Variants in CORO7 observed in about 807,000 individuals in gnomAD.
CORO7 encodes the protein coronin-7.
A neutral mutation model predicts 126.6 loss-of-function variants in CORO7; 107 were observed. That is an observed-to-expected ratio of 0.85 (90% CI 0.72 to 0.99). The LOEUF (loss-of-function observed/expected upper bound fraction) is 0.99, where lower values mean the gene tolerates loss of function less well. Among genes scored for constraint, CORO7 ranks in the 50% least tolerant of loss-of-function variants. The pLI, the probability that CORO7 is intolerant of heterozygous loss-of-function variation, is 0.00. For missense variants in CORO7, 1,314 were observed against 1,255.8 expected (o/e 1.05, Z -0.70); for synonymous variants, 603 against 536.8 (o/e 1.12, Z -1.70).
intron 9 of CORO7, among the ~76,000 whole-genome samples, chr16:4,373,690 T>C (rs942192663): frequency 1.3e-5 from 2 of 152,074 alleles, no homozygotes; most frequent in African/African-American, 4.8e-5. Context: ...CTGGGACAAG[T>C]CCCAAGTACA....
intron 5 of CORO7, among the ~76,000 whole-genome samples, chr16:4,406,280 A>G (rs1005635786): frequency 1.3e-5 from 2 of 151,174 alleles, no homozygotes; most frequent in African/African-American, 2.4e-5. Flanking sequence ...GATCACAGGC[A>G]TGAGCCACCG....
intron 4 of CORO7, 114 bp downstream of exon 4, chr16:4,408,066 TG>T: frequency 6.9e-7 from 1 of 1,447,938 alleles, no homozygotes; most frequent in Non-Finnish European, 9.5e-7. Flanking sequence ...CCCTGGGGAG[TG>T]GGGTGGGGCT....
In CORO7 at chr16:4,362,023, G is replaced by C. The variant is rs777250850; in HGVS notation, c.1540C>G (p.Pro514Ala). 4 of 1,612,342 alleles carry C rather than the reference G, an allele frequency of 2.5e-6. 1 individual carries two copies. The highest frequency in any genetic ancestry group is 3.4e-6 in the Non-Finnish European group (4 of 1,179,714). ...FCANKLRVAV[P>A]LLSSGGQVAV... ...ACCTGTCCCCCGCTGCTGAGCAGCG[G>C]CACGGCCACACGCAGCTTGTTGGCA... Residue 514 changes from proline to alanine, a missense_variant, in exon 16 of 28, where the codon CCG (proline) becomes GCG (alanine). Pro to Ala is a conservative substitution (Grantham distance 27). Transcript: ENST00000251166. This position sits in a 1 kb window ranked among gnomAD's most constrained non-coding sequence, Gnocchi z 5.3.
In CORO7 at chr16:4,412,277, C is replaced by G. The variant is rs1215013386; in HGVS notation, c.232+79G>C. On this transcript the variant is annotated intron_variant, in intron 3 of 27. Transcript: ENST00000251166. ...CCTGGCAAGCCATGCGGCAGTGGGA[C>G]CAGGTGAGGATGAATTTCTGGCCCT... 3 of 1,515,372 alleles carry G rather than the reference C, an allele frequency of 2.0e-6. No individual in the cohort carries two copies. The African/African-American group carries it at 4.1e-5, about 21-fold the overall frequency. The allele number at this position is 1,515,372 out of a possible 1,614,324, so 93.9% of individuals were successfully genotyped here.
intron 26 of CORO7, chr16:4,355,581 G>C: frequency 1.8e-6 from 1 of 561,348 alleles, no homozygotes; most frequent in Non-Finnish European, 3.1e-6. Context: ...CCACTGTCCT[G>C]CCTCAGCCTC....
chr16:4,382,433 A>G (rs771552990), intron 9 of CORO7: 1 of 1,610,980 alleles, frequency 6.2e-7, no homozygotes, highest in South Asian at 1.1e-5. Context: ...TCGCTCGCTG[A>G]GTACACGGTC....
At chr16:4,376,361 G>A (rs902186230) in intron 9 of CORO7, among the ~76,000 whole-genome samples, 1 of 152,210 alleles carries the variant, frequency 6.6e-6, no homozygotes, top group Non-Finnish European at 1.5e-5. Context: ...TGCCAGGCCT[G>A]ACCGGCCACA....
chr16:4,372,138 GC>G (rs910814561), intron 9 of CORO7: 2 of 151,774 alleles, frequency 1.3e-5, no homozygotes, highest in South Asian at 4.1e-4. Context: ...CACCTGGGCC[GC>G]CCGGCGGGCA....
intron 9 of CORO7, chr16:4,381,548 C>G (rs765773670): frequency 6.2e-7 from 1 of 1,604,870 alleles, no homozygotes; most frequent in Non-Finnish European, 8.5e-7. Context: ...CTGGATGTGT[C>G]CGACAACCAG....
intron 3 of CORO7, among the ~76,000 whole-genome samples, chr16:4,411,385 C>T (rs182567072): frequency 1.3e-5 from 2 of 151,748 alleles, no homozygotes; most frequent in Non-Finnish European, 2.9e-5. Context: ...AGAGCAAGAC[C>T]CTGTCACAAA....
chr16:4,382,536 C>G, intron 9 of CORO7: 1 of 1,592,456 alleles, frequency 6.3e-7, no homozygotes, highest in Non-Finnish European at 8.5e-7. Context: ...GCGGGGAGGC[C>G]CATACACCCC....
At chr16:4,405,803 C>T (rs1184154053) in intron 5 of CORO7, among the ~76,000 whole-genome samples, 1 of 145,178 alleles carries the variant, frequency 6.9e-6, no homozygotes, top group Non-Finnish European at 1.6e-5. Context: ...CCGAGGCTTC[C>T]CGCTCCTGGC....
At chr16:4,400,553 A>C (rs1357202723) in intron 6 of CORO7, among the ~76,000 whole-genome samples, 2 of 152,158 alleles carry the variant, frequency 1.3e-5, no homozygotes, top group Non-Finnish European at 2.9e-5. Context: ...GAATCACTTG[A>C]ATCTGGGAGG....
intron 7 of CORO7, among the ~76,000 whole-genome samples, chr16:4,392,535 T>G (rs2055431522): frequency 6.6e-6 from 1 of 152,162 alleles, no homozygotes; most frequent in Non-Finnish European, 1.5e-5. Flanking sequence ...GCGGACTCCC[T>G]GGCCCACTCT....
intron 6 of CORO7, among the ~76,000 whole-genome samples, chr16:4,395,623 C>A (rs1260643367): frequency 2.0e-5 from 3 of 152,220 alleles, no homozygotes; most frequent in Admixed American, 2.0e-4. Context: ...CGTCAGGCAT[C>A]CCAGACACTC....
chr16:4,378,694 T>C (rs1453242259), intron 9 of CORO7, among the ~76,000 whole-genome samples: 1 of 151,992 alleles, frequency 6.6e-6, no homozygotes, highest in Non-Finnish European at 1.5e-5. Context: ...CAGTGCTCAG[T>C]GCCAGGCCCT....
intron 9 of CORO7, chr16:4,381,003 G>C: frequency 6.2e-7 from 1 of 1,608,672 alleles, no homozygotes. Flanking sequence ...CTGCCCGCCA[G>C]GGGACCACGG....
intron 21 of CORO7, among the ~76,000 whole-genome samples, chr16:4,359,825 C>CATCT (rs1191625383): frequency 6.6e-6 from 1 of 151,918 alleles, no homozygotes; most frequent in East Asian, 1.9e-4. Context: ...CTCACCCATC[C>CATCT]ATCTACCCCT....
At chr16:4,380,767 T>C (rs1313784518) in intron 9 of CORO7, 2 of 1,281,960 alleles carry the variant, frequency 1.6e-6, no homozygotes, top group South Asian at 1.6e-5. Flanking sequence ...TCTCTTGCAT[T>C]TGGGGGCAGA....
Sources: allele counts gnomAD v4.1 joint callset (sites outside exome capture counted in the v4.1 genomes callset), GRCh38; gene constraint gnomAD v4.1.1; non-coding constraint Gnocchi (gnomAD v3.1); transcripts MANE v1.5; gene names NCBI Gene and HGNC (gene_info 2026-07-23, HGNC 2026-07-21).